Variants in CSMD1 observed in about 807,000 individuals in gnomAD.
CSMD1 encodes CUB and sushi domain-containing protein 1.
Under a neutral mutation model 417.5 loss-of-function variants are expected in CSMD1, and 213 were observed. That is an observed-to-expected ratio of 0.51 (90% CI 0.46 to 0.57). The LOEUF (loss-of-function observed/expected upper bound fraction) is 0.57, where lower values mean the gene tolerates loss of function less well. Among genes scored for constraint, CSMD1 ranks in the 20% least tolerant of loss-of-function variants. The pLI is 0.00. For synonymous variants in CSMD1, 2,862 were observed against 1,736.8 expected (o/e 1.65, Z -16.11); for missense variants, 6,923 against 4,529.7 (o/e 1.53, Z -15.17).
intron 38 of CSMD1, 117 bp downstream of exon 38, chr8:3,162,042 T>G (rs1284988752): frequency 3.0e-6 from 2 of 673,442 alleles, no homozygotes. Context: ...ATATGAATAG[T>G]ATGATTCACA....
chr8:3,199,325 T>C lies in CSMD1; in HGVS notation c.5194+389A>G, dbSNP rs1158359354. ...TTAGTTTTTATAATAAAATGTGAAA[T>C]TGTATAATGCATTTTAAACATATTT... is the stretch of plus-strand genomic sequence containing the variant. On this transcript the variant is annotated intron_variant, in intron 33 of 69. Transcript: ENST00000635120. Among the ~76,000 whole-genome samples the C allele has an allele frequency of 2.6e-5, 4 of 152,160 alleles. No individual in the cohort carries two copies. In the East Asian group the frequency reaches 5.8e-4, roughly 22 times the overall value.
chr8:3,008,450 C>T (rs1002404826), intron 52 of CSMD1, among the ~76,000 whole-genome samples: 1 of 152,218 alleles, frequency 6.6e-6, no homozygotes. Context: ...GCAAGGCCAG[C>T]CTCTCAAAGC....
intron 10 of CSMD1, among the ~76,000 whole-genome samples, chr8:3,525,948 C>T (rs1421802562): frequency 1.3e-5 from 2 of 152,158 alleles, no homozygotes; most frequent in Non-Finnish European, 2.9e-5. Flanking sequence ...GTTCTTAAGC[C>T]TTACAACAAT....
At chr8:4,864,405 T>C (rs561623495) in intron 1 of CSMD1, among the ~76,000 whole-genome samples, 1 of 151,998 alleles carries the variant, frequency 6.6e-6, no homozygotes, top group African/African-American at 2.4e-5. Context: ...TTAAAAAATA[T>C]CACTTCCTTA....
At chr8:3,695,267 T>C (rs1209580081) in intron 7 of CSMD1, among the ~76,000 whole-genome samples, 1 of 152,182 alleles carries the variant, frequency 6.6e-6, no homozygotes, top group African/African-American at 2.4e-5. Context: ...TATTAATCCA[T>C]CTAAAATTAT....
At position 3,403,086 on chromosome 8, in the gene CSMD1, C is replaced by A. The variant is rs546674102; in HGVS notation, c.2266+2941G>T. The stretch of plus-strand genomic sequence containing the variant: ...TTTGCTTGTAGTTCTATTTTTATTA[C>A]ATGTTTCTACTTTAATTGGAATATT... On this transcript the variant is annotated intron_variant, in intron 15 of 69. Coordinates refer to ENST00000635120, the MANE Select transcript of CSMD1 (RefSeq NM_033225.6). Among the ~76,000 whole-genome samples, 22 of 152,200 alleles carry A rather than the reference C, an allele frequency of 1.4e-4. No homozygotes were observed. The South Asian group carries it at 3.3e-3, about 23-fold the overall frequency.
intron 12 of CSMD1, among the ~76,000 whole-genome samples, chr8:3,432,224 T>A (rs769836072): frequency 6.6e-6 from 1 of 152,036 alleles, no homozygotes; most frequent in South Asian, 2.1e-4. Flanking sequence ...AATATGACTA[T>A]GGAAAAATAA....
At chr8:3,254,465 AG>A (rs780246677) in intron 26 of CSMD1, among the ~76,000 whole-genome samples, 5 of 152,116 alleles carry the variant, frequency 3.3e-5, no homozygotes, top group Non-Finnish European at 5.9e-5. Flanking sequence ...TATCCTGCAG[AG>A]TGTTTTCCAA....
intron 7 of CSMD1, among the ~76,000 whole-genome samples, chr8:3,684,438 T>C (rs1270190331): frequency 2.0e-5 from 3 of 150,364 alleles, no homozygotes; most frequent in Non-Finnish European, 4.4e-5. Flanking sequence ...GCATGACTCA[T>C]AGTACTTAAC....
intron 2 of CSMD1, among the ~76,000 whole-genome samples, chr8:4,457,404 T>C (rs886656383): frequency 6.6e-6 from 1 of 152,070 alleles, no homozygotes; most frequent in African/African-American, 2.4e-5. Flanking sequence ...AAGGGAATGT[T>C]TACTAAACTC....
intron 7 of CSMD1, among the ~76,000 whole-genome samples, chr8:3,685,596 G>A (rs1309655195): frequency 6.6e-6 from 1 of 152,140 alleles, no homozygotes; most frequent in African/African-American, 2.4e-5. Context: ...GCATCTCATT[G>A]CCTGGATATG....
chr8:3,759,791 G>A (rs1025113345), intron 5 of CSMD1, among the ~76,000 whole-genome samples: 4 of 149,472 alleles, frequency 2.7e-5, no homozygotes, highest in Non-Finnish European at 4.4e-5. Context: ...TCCTGTAATC[G>A]CAGCTACTCG....
At chr8:4,491,554 G>T (rs1275494359) in intron 2 of CSMD1, among the ~76,000 whole-genome samples, 1 of 149,166 alleles carries the variant, frequency 6.7e-6, no homozygotes, top group Non-Finnish European at 1.5e-5. Context: ...AAATGATTTT[G>T]CAATGTTTAA....
At chr8:3,391,163 C>T (rs925175135) in intron 17 of CSMD1, among the ~76,000 whole-genome samples, 5 of 121,354 alleles carry the variant, frequency 4.1e-5, no homozygotes, top group African/African-American at 6.8e-5. Flanking sequence ...AAAAAGTCAC[C>T]GAATCTCAGC....
At chr8:3,271,028 C>T (rs550912349) in intron 26 of CSMD1, among the ~76,000 whole-genome samples, 33 of 151,830 alleles carry the variant, frequency 2.2e-4, no homozygotes, top group Middle Eastern at 6.8e-3. Context: ...GCTGCACCCA[C>T]TAACTTGTCA....
At chr8:4,070,426 C>T (rs940885719) in intron 3 of CSMD1, among the ~76,000 whole-genome samples, 3 of 151,872 alleles carry the variant, frequency 2.0e-5, no homozygotes, top group African/African-American at 7.3e-5. Flanking sequence ...GGTGGGATCT[C>T]GGCTCACTGC....
intron 1 of CSMD1, among the ~76,000 whole-genome samples, chr8:4,890,946 A>G (rs1804078849): frequency 6.6e-6 from 1 of 152,164 alleles, no homozygotes; most frequent in African/African-American, 2.4e-5. Flanking sequence ...CAGAGAATCC[A>G]AGGGAAAGTA....
chr8:4,906,039 A>G (rs1345274689), intron 1 of CSMD1, among the ~76,000 whole-genome samples: 1 of 152,108 alleles, frequency 6.6e-6, no homozygotes, highest in African/African-American at 2.4e-5. Context: ...AAGCATATTA[A>G]AAAATATACT....
chr8:4,662,997 C>T (rs1273406577), intron 1 of CSMD1, among the ~76,000 whole-genome samples: 1 of 152,168 alleles, frequency 6.6e-6, no homozygotes, highest in Non-Finnish European at 1.5e-5. Flanking sequence ...GTGGAGAAGG[C>T]TTTTGTTTTG....
Sources: gnomAD v4.1 joint callset for allele counts (sites outside exome capture counted in the v4.1 genomes callset) on GRCh38, gnomAD v4.1.1 for gene constraint, MANE v1.5 for transcripts, NCBI Gene and HGNC (gene_info 2026-07-23, HGNC 2026-07-21) for gene names.